MAPK8IP1: variants seen among roughly 807,000 people sequenced by gnomAD.
MAPK8IP1 encodes the protein C-Jun-amino-terminal kinase-interacting protein 1.
MAPK8IP1 carries 17 observed loss-of-function variants against 72.6 expected under a neutral mutation model. The ratio of observed to expected loss-of-function variants is 0.23; its 90% confidence interval spans 0.16 to 0.35. The LOEUF (loss-of-function observed/expected upper bound fraction) is 0.35, where lower values mean the gene tolerates loss of function less well. Ranked by LOEUF, MAPK8IP1 falls within the 10% of genes least tolerant of loss-of-function variation. MAPK8IP1 has a pLI of 1.00. For missense variants in MAPK8IP1, 789 were observed against 1,009.7 expected, an observed-to-expected ratio of 0.78 and a Z score of 2.96; for synonymous variants, 401 against 443.4, an observed-to-expected ratio of 0.90 and a Z score of 1.20.
intron 1 of MAPK8IP1, among the ~76,000 whole-genome samples, chr11:45,887,310 G>A (rs538536715): frequency 6.6e-6 from 1 of 152,298 alleles, no homozygotes; most frequent in South Asian, 2.1e-4. Context: ...TGCCTGGAAA[G>A]GAGAAAAAGC....
chr11:45,905,164 A>G lies in MAPK8IP1; in HGVS notation c.1978A>G (p.Ile660Val). Residue 660 changes from isoleucine to valine, a missense_variant, in exon 11 of 12, where the codon ATC becomes GTC. Around this residue, in one of 4 missense-constraint regions of MAPK8IP1, gnomAD observed 188 missense variants for 293.3 expected, o/e 0.64. Transcript: ENST00000241014. ...CTGTCCCTGCAGGTACTTTGGGTTCATCACCAAGCACCCCGCCGACCACCG... is the reference window on the plus strand; with the variant it reads ...CTGTCCCTGCAGGTACTTTGGGTTCGTCACCAAGCACCCCGCCGACCACCG... Reference protein sequence around the residue: ...HPKNNKYFGFITKHPADHRFA... With the variant: ...HPKNNKYFGFVTKHPADHRFA... The G allele has an allele frequency of 6.2e-7, 1 of 1,613,782 alleles. No individual in the cohort carries two copies. Among genetic ancestry groups the G allele is most frequent in the Non-Finnish European group, 8.5e-7 (1 of 1,179,998 alleles).
intron 1 of MAPK8IP1, among the ~76,000 whole-genome samples, chr11:45,897,579 G>A (rs937957347): frequency 1.3e-5 from 2 of 152,172 alleles, no homozygotes; most frequent in African/African-American, 2.4e-5. Context: ...ATTTTCCTTC[G>A]CTTGTTCCCT....
In MAPK8IP1 at chr11:45,904,082, C is replaced by T. The variant is rs767462459; in HGVS notation, c.1587C>T (p.Tyr529=). ...LQAEDYWYEA[Y]NMRTGARGVF... ...CTGAAGACTACTGGTACGAGGCCTA[C>T]AACATGCGCACTGGTGCCCGGGGTG... is the stretch of plus-strand genomic sequence containing the variant. Residue 529 remains tyrosine (Y), a synonymous_variant, in exon 7 of 12, where the codon TAC becomes TAT. Coordinates refer to ENST00000241014, the MANE Select transcript of MAPK8IP1 (RefSeq NM_005456.4). The surrounding 1 kb of genome is among the most constrained non-coding windows in gnomAD (Gnocchi z 6.4). 3 of 1,613,958 alleles carry T rather than the reference C, an allele frequency of 1.9e-6. No homozygotes were observed. Among genetic ancestry groups the T allele is most frequent in the Non-Finnish European group, 2.5e-6 (3 of 1,180,032 alleles).
Position 45,903,196 on chromosome 11 carries a change from A to C in MAPK8IP1, c.1417+12A>C. The C allele has an allele frequency of 1.3e-6, 2 of 1,498,494 alleles. No individual in the cohort carries two copies. The highest frequency in any genetic ancestry group is 1.8e-6 in the Non-Finnish European group (2 of 1,085,452). The allele number at this position is 1,498,494 out of a possible 1,614,324, so 92.8% of individuals were successfully genotyped here. Reference sequence around the variant, plus strand: ...CTCCCGCTCCTCCAGTGAGTCAGCAAGGGGAAGCAGTGGGGTGGGGGGGTC... The same window carrying C: ...CTCCCGCTCCTCCAGTGAGTCAGCACGGGGAAGCAGTGGGGTGGGGGGGTC... On this transcript the variant is annotated intron_variant, in intron 5 of 11. Coordinates refer to ENST00000241014, the MANE Select transcript of MAPK8IP1 (RefSeq NM_005456.4). The surrounding 1 kb of genome is among the most constrained non-coding windows in gnomAD (Gnocchi z 6.4).
chr11:45,901,550 CAG>C (rs1491300381), intron 3 of MAPK8IP1, among the ~76,000 whole-genome samples: 22 of 152,256 alleles, frequency 1.4e-4, no homozygotes, highest in African/African-American at 4.8e-4. Flanking sequence ...AGCTCCAGAG[CAG>C]AGAGTCACCT....
At chr11:45,905,576 A>G (rs928040348) in intron 11 of MAPK8IP1, 73 bp from the exon 12 acceptor site, 2 of 1,390,102 alleles carry the variant, frequency 1.4e-6, no homozygotes, top group African/African-American at 2.8e-5. Context: ...CCAGCGGGAA[A>G]ACCCTGGGTC....
chr11:45,903,038 A>C lies in MAPK8IP1; in HGVS notation c.1271A>C (p.Glu424Ala), dbSNP rs2086669751. 6.2e-7 allele frequency: 1 copy of C among 1,611,524 alleles called. No homozygotes were observed. Among genetic ancestry groups the C allele is most frequent in the Admixed American group, 1.7e-5 (1 of 59,996 alleles). Reference sequence around the variant, plus strand: ...TGTGCCTCCGTCTCCTCGCCCTATGAGTCGGCCATCGGAGAGGAATATGAG... The same window carrying C: ...TGTGCCTCCGTCTCCTCGCCCTATGCGTCGGCCATCGGAGAGGAATATGAG... Reference protein sequence around the residue: ...DNCASVSSPYESAIGEEYEEA... With the variant: ...DNCASVSSPYASAIGEEYEEA... The change falls in exon 5 of 12, where the codon GAG (glutamate) becomes GCG (alanine). Residue 424 changes from glutamate to alanine, a missense_variant. By Grantham distance (107) the Glu-to-Ala change is moderately radical. Coordinates refer to ENST00000241014, the MANE Select transcript of MAPK8IP1 (RefSeq NM_005456.4). This position sits in a 1 kb window ranked among gnomAD's most constrained non-coding sequence, Gnocchi z 6.4.
At chr11:45,896,184 C>G (rs868459457) in intron 1 of MAPK8IP1, among the ~76,000 whole-genome samples, 1 of 152,246 alleles carries the variant, frequency 6.6e-6, no homozygotes, top group Non-Finnish European at 1.5e-5. Flanking sequence ...TCTGGTGCCT[C>G]CTGCTTCCAT....
At chr11:45,899,766 G>T (rs2086634860) in intron 2 of MAPK8IP1, among the ~76,000 whole-genome samples, 2 of 152,110 alleles carry the variant, frequency 1.3e-5, no homozygotes, top group Non-Finnish European at 2.9e-5. Flanking sequence ...CCCATCCCTT[G>T]CCCACCCCAC....
At chr11:45,905,331 T>C (rs188556464) in intron 11 of MAPK8IP1, 82 bp downstream of exon 11, 25 of 1,316,556 alleles carry the variant, frequency 1.9e-5, no homozygotes, top group Non-Finnish European at 2.5e-5. Flanking sequence ...GGCGCTCAGC[T>C]TTGCCCCTCG....
chr11:45,898,854 AGATGGG>A (rs1487637138), intron 2 of MAPK8IP1, among the ~76,000 whole-genome samples: 4 of 152,210 alleles, frequency 2.6e-5, no homozygotes, highest in Non-Finnish European at 5.9e-5. Context: ...AACTGGGGTC[AGATGGG>A]GATCCCAACT....
Position 45,903,427 on chromosome 11 carries a change from C to G in MAPK8IP1, c.1480C>G (p.Arg494Gly). The change falls in exon 6 of 12, where the codon CGG (arginine) becomes GGG (glycine). Residue 494 changes from arginine to glycine, a missense_variant. By Grantham distance (125) the Arg-to-Gly change is moderately radical. Transcript: ENST00000241014. The surrounding 1 kb of genome is among the most constrained non-coding windows in gnomAD (Gnocchi z 6.4). ...CGGGGAGGAGCAGGAGCAGACCCAC[C>G]GGGCCATATTCAGGTGAGAGCCATG... ...INGEEQEQTH[R>G]AIFRFVPRHE... 1 of 1,612,504 alleles carries G rather than the reference C, an allele frequency of 6.2e-7. No individual in the cohort carries two copies.
chr11:45,901,907 G>C (rs558044308), intron 3 of MAPK8IP1, 73 bp from the exon 4 acceptor site: 1 of 1,153,372 alleles, frequency 8.7e-7, no homozygotes, highest in South Asian at 1.2e-5. Flanking sequence ...GCCTGAGGGG[G>C]CAGGGCCGGG....
At chr11:45,890,732 G>A (rs2086560470) in intron 1 of MAPK8IP1, among the ~76,000 whole-genome samples, 1 of 152,180 alleles carries the variant, frequency 6.6e-6, no homozygotes, top group Non-Finnish European at 1.5e-5. Flanking sequence ...GGTGGGCAGG[G>A]TGTGAAAATC....
Position 45,903,308 on chromosome 11 carries a change from C to G in MAPK8IP1, c.1418-57C>G. ...TTAGGACTGAGGCTTCTACCTGCCCCGCTAAACCTGGATCAGAGCTGCGAC... is the reference window on the plus strand; with the variant it reads ...TTAGGACTGAGGCTTCTACCTGCCCGGCTAAACCTGGATCAGAGCTGCGAC... On this transcript the variant is annotated intron_variant, in intron 5 of 11. Coordinates refer to ENST00000241014, the MANE Select transcript of MAPK8IP1 (RefSeq NM_005456.4). The surrounding 1 kb of genome is among the most constrained non-coding windows in gnomAD (Gnocchi z 6.4). 6.3e-7 allele frequency: 1 copy of G among 1,597,528 alleles called. No homozygotes were observed. The highest frequency in any genetic ancestry group is 8.6e-7 in the Non-Finnish European group (1 of 1,167,430).
rs749408526 is a variant in MAPK8IP1, at chr11:45,902,809, C to T, written c.1042C>T (p.Pro348Ser). The change falls in exon 5 of 12, where the codon CCA becomes TCA. Residue 348 changes from proline (P) to serine (S), a missense_variant. Pro to Ser is a moderately conservative substitution (Grantham distance 74, BLOSUM62 -1). This residue lies in a region of MAPK8IP1 where 377 missense variants were observed against 411.7 expected (regional missense o/e 0.92). Transcript: ENST00000241014. This position sits in a 1 kb window ranked among gnomAD's most constrained non-coding sequence, Gnocchi z 9.3. ...CLSSPERAEP[P>S]GGGWRGSLGE... is the part of the protein sequence containing the mutation. ...GTCGTCCCCAGAGCGGGCTGAGCCC[C>T]CAGGCGGAGGGTGGCGGGGGAGCCT... The T allele has an allele frequency of 3.2e-6, 5 of 1,585,556 alleles. No individual in the cohort carries two copies. The East Asian group carries it at 9.1e-5, about 29-fold the overall frequency.
chr11:45,903,349 A>ACCACCTCAC lies in MAPK8IP1; in HGVS notation c.1418-14_1418-6dup. The ACCACCTCAC allele has an allele frequency of 6.2e-7, 1 of 1,613,302 alleles. No individual in the cohort carries two copies. The highest frequency in any genetic ancestry group is 8.5e-7 in the Non-Finnish European group (1 of 1,179,684). On this transcript the variant is annotated splice_polypyrimidine_tract_variant and intron_variant, in intron 5 of 11. Transcript: ENST00000241014. The surrounding 1 kb of genome is among the most constrained non-coding windows in gnomAD (Gnocchi z 6.4). ...GAGCTGCGACCCCCCATCCAGCCAC[A>ACCACCTCAC]CCACCTCACCTGCAGGTGCTGAGTC... is the stretch of plus-strand genomic sequence containing the variant.
Position 45,900,266 on chromosome 11 carries a change from C to G in MAPK8IP1, c.336C>G (p.Asp112Glu). ...CCGGGGCCGAGGACGACGAGGAGGA[C>G]GACGACGAGGAGCGCGCGGCCCGGC... The part of the protein sequence containing the change: ...DTPGAEDDEE[D>E]DDEERAARRP... The change falls in exon 3 of 12, where the codon GAC becomes GAG. Residue 112 changes from aspartate to glutamate, a missense_variant. Coordinates refer to ENST00000241014, the MANE Select transcript of MAPK8IP1 (RefSeq NM_005456.4). The surrounding 1 kb of genome is among the most constrained non-coding windows in gnomAD (Gnocchi z 6.5). 7.5e-7 allele frequency: 1 copy of G among 1,331,690 alleles called. No homozygotes were observed. Among genetic ancestry groups the G allele is most frequent in the Non-Finnish European group, 9.5e-7 (1 of 1,047,476 alleles). 82.5% of individuals were successfully genotyped at this position (1,331,690 alleles called of 1,614,324 possible). A position where few individuals can be genotyped will look rare whatever the true frequency, so the allele number is the denominator to read the frequency against.
In MAPK8IP1 at chr11:45,897,061, G is replaced by T. The variant is rs1382272241; in HGVS notation, c.102-1024G>T. On this transcript the variant is annotated intron_variant, in intron 1 of 11. Coordinates refer to ENST00000241014, the MANE Select transcript of MAPK8IP1 (RefSeq NM_005456.4). ...GTGGCAGGGAGTCTGGGCCTCCTAG[G>T]TTCCCCTGGGGGCTAAGCCACCATC... 5.1e-6 allele frequency: 6 copies of T among 1,171,714 alleles called. No individual in the cohort carries two copies. In the African/African-American group the frequency reaches 9.1e-5, roughly 18 times the overall value. 72.6% of individuals were successfully genotyped at this position (1,171,714 alleles called of 1,614,324 possible).
Sources: gnomAD v4.1 joint callset for allele counts (sites outside exome capture counted in the v4.1 genomes callset) on GRCh38, gnomAD v4.1.1 for gene constraint, gnomAD v4.1.1 regional missense constraint, Gnocchi (gnomAD v3.1) non-coding constraint, MANE v1.5 for transcripts, NCBI Gene and HGNC (gene_info 2026-07-23, HGNC 2026-07-21) for gene names.